IKZF4: variants seen among roughly 807,000 people sequenced by gnomAD.
IKZF4 encodes zinc finger protein Eos.
Under a neutral mutation model 47.7 loss-of-function variants are expected in IKZF4, and 11 were observed. That is an observed-to-expected ratio of 0.23 (90% CI 0.15 to 0.38). The LOEUF is 0.38. Among genes scored for constraint, IKZF4 ranks in the 10% least tolerant of loss-of-function variants. IKZF4 has a pLI of 1.00. For missense variants in IKZF4, 557 were observed against 784.9 expected (o/e 0.71, Z 3.47); for synonymous variants, 298 against 299.4 (o/e 1.00, Z 0.05).
intron 1 of IKZF4, 81 bp from the exon 2 acceptor site, chr12:56,023,590 G>A: frequency 6.6e-7 from 1 of 1,506,248 alleles, no homozygotes; most frequent in Non-Finnish European, 9.0e-7. Context: ...ATAGAATGGG[G>A]AAAATGGGAC....
intron 2 of IKZF4, among the ~76,000 whole-genome samples, chr12:56,015,518 C>G (rs529437144): frequency 3.3e-5 from 5 of 151,914 alleles, no homozygotes; most frequent in Non-Finnish European, 7.4e-5. Context: ...CTCAGCCTCC[C>G]GAGTAGATGG....
upstream of IKZF4, among the ~76,000 whole-genome samples, chr12:56,017,436 G>A (rs1003343237): frequency 2.0e-5 from 3 of 151,836 alleles, no homozygotes; most frequent in East Asian, 5.8e-4. Flanking sequence ...AGAATCCCTT[G>A]AATGACTGAA....
chr12:56,033,632 G>A (rs982655166), intron 7 of IKZF4, among the ~76,000 whole-genome samples: 34 of 152,172 alleles, frequency 2.2e-4, no homozygotes, highest in African/African-American at 6.7e-4. Flanking sequence ...GTGTGAACCT[G>A]GGAGGCGGAG....
intron 5 of IKZF4, among the ~76,000 whole-genome samples, chr12:56,030,434 GA>G (rs769748334): frequency 3.0e-3 from 394 of 129,430 alleles, no homozygotes; most frequent in Middle Eastern, 4.8e-3. Flanking sequence ...CCATCTTGGG[GA>G]AAAAAAAAAA....
In IKZF4 at chr12:56,034,861, G is replaced by A; in HGVS notation, c.1288G>A (p.Asp430Asn). 1.2e-6 allele frequency: 2 copies of A among 1,612,748 alleles called. No individual in the cohort carries two copies. Among genetic ancestry groups the A allele is most frequent in the South Asian group, 1.1e-5 (1 of 90,976 alleles). Residue 430 changes from aspartate (D) to asparagine (N), a missense_variant, in exon 8 of 8, where the codon GAT becomes AAT. Transcript: ENST00000547167. ...AGGTGAGGGACCTGAGGACCTGGCT[G>A]ATGGAGGTCCCCTCCTCTACCGGCC... ...EAGEGPEDLA[D>N]GGPLLYRPRG...
chr12:56,015,277 A>G (rs1267626016), intron 2 of IKZF4, among the ~76,000 whole-genome samples: 2 of 151,440 alleles, frequency 1.3e-5, no homozygotes, highest in South Asian at 2.1e-4. Context: ...GGGTTTTGCC[A>G]TGTTGGCCAG....
chr12:56,021,688 CTGTGTGTGTGTGTGTGTGTGTGTGTG>C (rs67296911), intron 1 of IKZF4, 108 bp downstream of exon 1: 8 of 658,806 alleles, frequency 1.2e-5, no homozygotes, highest in African/African-American at 2.2e-5. Context: ...AGGATGGGGG[CTGTGTGTGTGTGTGTGTGTGTGTGTG>C]TGTGTGTGTG....
intron 1 of IKZF4, among the ~76,000 whole-genome samples, chr12:56,023,105 A>G (rs1893347740): frequency 6.6e-6 from 1 of 152,088 alleles, no homozygotes; most frequent in Non-Finnish European, 1.5e-5. Context: ...GGCCGCCCTC[A>G]GTGTTTCTAA....
Position 56,033,179 on chromosome 12 carries a change from C to A in IKZF4, c.866-11C>A. On this transcript the variant is annotated splice_polypyrimidine_tract_variant and intron_variant, in intron 6 of 7. Transcript: ENST00000547167. ...CAACTGCTACTACTGTCTCCACCTTCTTCCCACTAGGTGACGAAATACGTG... is the reference window on the plus strand; with the variant it reads ...CAACTGCTACTACTGTCTCCACCTTATTCCCACTAGGTGACGAAATACGTG... 1.2e-6 allele frequency: 2 copies of A among 1,613,660 alleles called. No individual in the cohort carries two copies. Among genetic ancestry groups the A allele is most frequent in the Non-Finnish European group, 1.7e-6 (2 of 1,179,610 alleles).
Position 56,034,808 on chromosome 12 carries a change from G to T in IKZF4, c.1235G>T (p.Arg412Leu), listed in dbSNP as rs373538495. The T allele has an allele frequency of 3.7e-6, 6 of 1,613,992 alleles. No individual in the cohort carries two copies. Among genetic ancestry groups the T allele is most frequent in the South Asian group, 1.1e-5 (1 of 91,074 alleles). The change falls in exon 8 of 8, where the codon CGA becomes CTA. Residue 412 changes from arginine (R) to leucine (L), a missense_variant. Physicochemically the swap from Arg to Leu is moderately radical, Grantham distance 102. This residue lies in a region of IKZF4 where 280 missense variants were observed against 314.0 expected (regional missense o/e 0.89). Coordinates refer to ENST00000547167, the MANE Select transcript of IKZF4 (RefSeq NM_022465.4). ...VYTQMQPLPG[R>L]LELPGSREAG... ...ACCCAGATGCAGCCCCTCCCTGGTC[G>T]ACTGGAGCTTCCAGGATCCCGAGAA...
chr12:56,013,888 C>T (rs941147436), intron 2 of IKZF4, among the ~76,000 whole-genome samples: 6 of 152,214 alleles, frequency 3.9e-5, no homozygotes, highest in Admixed American at 2.6e-4. Flanking sequence ...CAGTGGCTCA[C>T]GCCTGTAATC....
chr12:56,009,952 A>G, intron 1 of IKZF4: 1 of 151,536 alleles, frequency 6.6e-6, no homozygotes, highest in Non-Finnish European at 1.5e-5. Context: ...AACTTATCCC[A>G]CCTTTCACCG....
At chr12:56,026,089 C>T (rs1893934009) in intron 3 of IKZF4, among the ~76,000 whole-genome samples, 1 of 152,122 alleles carries the variant, frequency 6.6e-6, no homozygotes, top group African/African-American at 2.4e-5. Flanking sequence ...GCGTACACCA[C>T]CATGCCCAGC....
intron 7 of IKZF4, 98 bp from the exon 8 acceptor site, chr12:56,034,473 T>C: frequency 7.8e-7 from 1 of 1,282,644 alleles, no homozygotes; most frequent in African/African-American, 1.5e-5. Context: ...GTAAATAATG[T>C]TACACCCAGC....
rs760909117 is a variant in IKZF4 at position 56,012,924 on chromosome 12, T to A, written c.-214+1430T>A. On this transcript the variant is annotated intron_variant, in intron 2 of 11. Coordinates refer to the IKZF4 transcript ENST00000262032. ...GCTTGAGGCCAAGAGTTTGAGGCTG[T>A]AGTGTGCTGTGATTGTGCCCATGAA... 1.5e-3 allele frequency among the ~76,000 whole-genome samples: 221 copies of A among 152,290 alleles called. 2 individuals carry two copies. Among genetic ancestry groups the A allele is most frequent in the Non-Finnish European group, 2.4e-3 (166 of 68,014 alleles).
intron 4 of IKZF4, 140 bp downstream of exon 4, chr12:56,027,181 C>A: frequency 3.3e-6 from 2 of 608,132 alleles, no homozygotes; most frequent in South Asian, 3.8e-5. Flanking sequence ...GGGTCTCACC[C>A]AGCACATTTT....
At chr12:56,009,878 A>G (rs944853899) in intron 1 of IKZF4, among the ~76,000 whole-genome samples, 1 of 152,198 alleles carries the variant, frequency 6.6e-6, no homozygotes, top group Non-Finnish European at 1.5e-5. Context: ...TGAAAATGCA[A>G]CTGAAAGTCT....
intron 5 of IKZF4, among the ~76,000 whole-genome samples, chr12:56,030,951 A>G (rs1894826166): frequency 1.3e-5 from 2 of 152,182 alleles, no homozygotes. Flanking sequence ...AATGTTCCCA[A>G]TACAAAGAAA....
At chr12:56,030,694 A>G (rs1325626476) in intron 5 of IKZF4, among the ~76,000 whole-genome samples, 1 of 151,332 alleles carries the variant, frequency 6.6e-6, no homozygotes, top group African/African-American at 2.4e-5. Context: ...GCGCCATTGC[A>G]CTCCAGCCTG....
Sources: gnomAD v4.1 joint callset for allele counts (sites outside exome capture counted in the v4.1 genomes callset) on GRCh38, gnomAD v4.1.1 for gene constraint, gnomAD v4.1.1 regional missense constraint, MANE v1.5 for transcripts, NCBI Gene and HGNC (gene_info 2026-07-23, HGNC 2026-07-21) for gene names.